UNC79: variants seen among roughly 807,000 people sequenced by gnomAD.
UNC79 encodes the protein unc-79 subunit of NALCN channel complex, also known as protein unc-79 homolog.
Under a neutral mutation model 283.1 loss-of-function variants are expected in UNC79, and 37 were observed. That is an observed-to-expected ratio of 0.13 (90% CI 0.10 to 0.17). The LOEUF is 0.17. Ranked by LOEUF, UNC79 falls within the 10% of genes least tolerant of loss-of-function variation. The pLI, the probability that UNC79 is intolerant of heterozygous loss-of-function variation, is 1.00. For missense variants in UNC79, 2,272 were observed against 3,211.1 expected (o/e 0.71, Z 7.07); for synonymous variants, 1,107 against 1,200.2 (o/e 0.92, Z 1.61).
At chr14:93,482,989 C>T (rs2058217069) in intron 4 of UNC79, among the ~76,000 whole-genome samples, 1 of 152,214 alleles carries the variant, frequency 6.6e-6, no homozygotes, top group East Asian at 1.9e-4. Flanking sequence ...TCCTTGTCTT[C>T]ACTCTGCTCC....
chr14:93,383,912 A>T (rs992822417), intron 1 of UNC79, among the ~76,000 whole-genome samples: 8 of 152,044 alleles, frequency 5.3e-5, no homozygotes, highest in Non-Finnish European at 8.8e-5. Context: ...CCCTGCACAA[A>T]CTCTGTCTGC....
chr14:93,391,735 T>C (rs7153031), intron 1 of UNC79, among the ~76,000 whole-genome samples: 6,023 of 152,278 alleles, frequency 0.04, 417 homozygotes, highest in African/African-American at 0.14. Flanking sequence ...TGCCAAGGCC[T>C]GTATCTAGAT....
At chr14:93,652,639 C>A (rs956385592) in intron 35 of UNC79, among the ~76,000 whole-genome samples, 1 of 152,022 alleles carries the variant, frequency 6.6e-6, no homozygotes, top group African/African-American at 2.4e-5. Flanking sequence ...AGCTTTTTGT[C>A]CGTTATTTCT....
intron 5 of UNC79, among the ~76,000 whole-genome samples, chr14:93,492,621 T>G (rs2058785223): frequency 6.6e-6 from 1 of 152,234 alleles, no homozygotes; most frequent in East Asian, 1.9e-4. Context: ...CCCAAAGTGC[T>G]GGGATTACAG....
chr14:93,609,097 T>C (rs765379682), intron 26 of UNC79, among the ~76,000 whole-genome samples: 8 of 152,226 alleles, frequency 5.3e-5, no homozygotes, highest in Non-Finnish European at 1.0e-4. Context: ...CTCCCTCCTT[T>C]CTTGTCCTTA....
At chr14:93,355,047 T>TTGA (rs1555398314) in intron 1 of UNC79, among the ~76,000 whole-genome samples, 17 of 150,636 alleles carry the variant, frequency 1.1e-4, no homozygotes, top group South Asian at 6.3e-4. Flanking sequence ...TTTTTTTTTT[T>TTGA]GACAGAGTTT....
At chr14:93,417,137 C>G (rs2055479790) in intron 1 of UNC79, among the ~76,000 whole-genome samples, 3 of 152,244 alleles carry the variant, frequency 2.0e-5, no homozygotes, top group African/African-American at 7.2e-5. Context: ...TACAATTTGG[C>G]ATGATTTTGC....
intron 1 of UNC79, among the ~76,000 whole-genome samples, chr14:93,408,554 T>C (rs1391689575): frequency 6.6e-6 from 1 of 152,116 alleles, no homozygotes; most frequent in Non-Finnish European, 1.5e-5. Flanking sequence ...CAGCTGGGCA[T>C]GGTGGTGCAC....
At chr14:93,404,836 C>T (rs12432100) in intron 1 of UNC79, among the ~76,000 whole-genome samples, 107,008 of 151,492 alleles carry the variant, frequency 0.71, 38,273 homozygotes, top group Middle Eastern at 0.78. Context: ...ATAGGCTAGA[C>T]AAACATAAAG....
At chr14:93,504,017 A>T (rs185533124) in intron 7 of UNC79, among the ~76,000 whole-genome samples, 1 of 152,078 alleles carries the variant, frequency 6.6e-6, no homozygotes, top group East Asian at 1.9e-4. Flanking sequence ...TATTGAAAAT[A>T]TTATTCTTTC....
At chr14:93,375,822 G>A (rs566542492) in intron 1 of UNC79, among the ~76,000 whole-genome samples, 1 of 152,284 alleles carries the variant, frequency 6.6e-6, no homozygotes, top group South Asian at 2.1e-4. Flanking sequence ...TCTCCCACCA[G>A]GCACCACCTT....
At chr14:93,475,704 A>C (rs1215278642) in intron 3 of UNC79, among the ~76,000 whole-genome samples, 2 of 152,138 alleles carry the variant, frequency 1.3e-5, no homozygotes, top group Non-Finnish European at 2.9e-5. Flanking sequence ...CTCACCTGGG[A>C]CTTGCCTGGT....
intron 1 of UNC79, among the ~76,000 whole-genome samples, chr14:93,347,848 T>TA (rs2139902323): frequency 6.7e-6 from 1 of 148,886 alleles, no homozygotes; most frequent in African/African-American, 2.6e-5. Flanking sequence ...GAAAAATGAA[T>TA]TAAAAAAAAA....
At chr14:93,402,963 T>G (rs866869708) in intron 1 of UNC79, among the ~76,000 whole-genome samples, 1 of 152,180 alleles carries the variant, frequency 6.6e-6, no homozygotes, top group Non-Finnish European at 1.5e-5. Context: ...TAGGTAGACA[T>G]GAGACATCAA....
chr14:93,630,663 A>G, intron 30 of UNC79, 138 bp from the exon 33 acceptor site: 1 of 649,584 alleles, frequency 1.5e-6, no homozygotes, highest in Non-Finnish European at 2.7e-6. Context: ...ATGTAATTCC[A>G]TGAAAGTAAT....
chr14:93,378,061 G>A (rs1389128789), intron 1 of UNC79, among the ~76,000 whole-genome samples: 14 of 152,208 alleles, frequency 9.2e-5, no homozygotes, highest in Admixed American at 9.2e-4. Flanking sequence ...TGGTAAATGA[G>A]TTAGGGATAG....
At chr14:93,655,657 A>AC (rs1430858771) in intron 38 of UNC79, among the ~76,000 whole-genome samples, 5 of 151,778 alleles carry the variant, frequency 3.3e-5, no homozygotes, top group Non-Finnish European at 7.4e-5. Flanking sequence ...AAAAAAAAAA[A>AC]AAAACAAAAA....
At chr14:93,535,169 A>T (rs2061009800) in intron 11 of UNC79, among the ~76,000 whole-genome samples, 1 of 152,222 alleles carries the variant, frequency 6.6e-6, no homozygotes, top group African/African-American at 2.4e-5. Flanking sequence ...AACATTTGAA[A>T]ACATGTCCAG....
At chr14:93,586,543 T>C (rs2141847716) in intron 20 of UNC79, 53 bp from the exon 21 acceptor site, 13 of 1,456,646 alleles carry the variant, frequency 8.9e-6, no homozygotes, top group Non-Finnish European at 1.0e-5. Flanking sequence ...AATTGATGAA[T>C]GATGGGGGAG....
Sources: allele counts gnomAD v4.1 joint callset (sites outside exome capture counted in the v4.1 genomes callset), GRCh38; gene constraint gnomAD v4.1.1; transcripts MANE v1.5; gene names NCBI Gene and HGNC (gene_info 2026-07-23, HGNC 2026-07-21).